Variants in PCDHA7 observed in about 807,000 individuals in gnomAD.
PCDHA7 encodes the protein protocadherin alpha 7, also known as protocadherin alpha-7.
PCDHA7 carries 37 observed loss-of-function variants against 57.2 expected under a neutral mutation model. The ratio of observed to expected loss-of-function variants is 0.65; its 90% confidence interval spans 0.50 to 0.85. The LOEUF (loss-of-function observed/expected upper bound fraction) is 0.85. PCDHA7 is among the 40% of genes least tolerant of loss of function. The pLI, the probability that PCDHA7 is intolerant of heterozygous loss-of-function variation, is 0.00. For synonymous variants in PCDHA7, 553 were observed against 558.8 expected, an observed-to-expected ratio of 0.99 and a Z score of 0.15; for missense variants, 1,188 against 1,241.8, an observed-to-expected ratio of 0.96 and a Z score of 0.65.
chr5:140,834,770 C>G lies in PCDHA7; in HGVS notation c.387C>G (p.Asn129Lys), dbSNP rs781912893. 4 of 1,613,922 alleles carry G rather than the reference C, an allele frequency of 2.5e-6. No homozygotes were observed. Among genetic ancestry groups the G allele is most frequent in the African/African-American group, 1.3e-5 (1 of 74,870 alleles). Residue 129 changes from asparagine (N) to lysine (K), a missense_variant, in exon 1 of 4, where the codon AAC (asparagine) becomes AAG (lysine). Transcript: ENST00000525929. ...TGGAGGTGAAGGACATTAACGACAACCCTCCGGTGTTCCCAGCGACACAAA... is the reference window on the plus strand; with the variant it reads ...TGGAGGTGAAGGACATTAACGACAAGCCTCCGGTGTTCCCAGCGACACAAA... ...VDVEVKDIND[N>K]PPVFPATQRN... is the part of the protein sequence containing the mutation.
intron 1 of PCDHA7, chr5:140,849,838 T>A: frequency 6.3e-7 from 1 of 1,598,422 alleles, no homozygotes; most frequent in Non-Finnish European, 8.6e-7. Flanking sequence ...GTGGCCGACG[T>A]GAACGACAAC....
intron 1 of PCDHA7, among the ~76,000 whole-genome samples, chr5:140,970,887 G>A (rs2096441583): frequency 6.6e-6 from 1 of 152,118 alleles, no homozygotes; most frequent in Non-Finnish European, 1.5e-5. Context: ...TTTTCTCATG[G>A]ACATTTCAGA....
chr5:140,842,480 T>C (rs1554139085), intron 1 of PCDHA7: 2 of 1,613,826 alleles, frequency 1.2e-6, no homozygotes, highest in Non-Finnish European at 1.7e-6. Flanking sequence ...GCAGGTGACC[T>C]GCTCCCTGAT....
chr5:140,877,135 G>C, intron 1 of PCDHA7: 1 of 1,613,790 alleles, frequency 6.2e-7, no homozygotes, highest in Non-Finnish European at 8.5e-7. Flanking sequence ...GCAGGTGTTC[G>C]TGCTGGACGA....
At chr5:140,873,957 A>C (rs993299790) in intron 1 of PCDHA7, among the ~76,000 whole-genome samples, 7 of 152,236 alleles carry the variant, frequency 4.6e-5, no homozygotes, top group Non-Finnish European at 7.3e-5. Flanking sequence ...CACTGAGCCC[A>C]GCCTATTTTT....
At chr5:140,858,251 C>A in intron 1 of PCDHA7, 1 of 1,596,688 alleles carries the variant, frequency 6.3e-7, no homozygotes, top group East Asian at 2.2e-5. Context: ...GCCGGTGAAG[C>A]CCACGCTGGT....
At chr5:140,919,393 T>C (rs2079115816) in intron 1 of PCDHA7, among the ~76,000 whole-genome samples, 1 of 152,222 alleles carries the variant, frequency 6.6e-6, no homozygotes, top group South Asian at 2.1e-4. Flanking sequence ...GGATGTTGTT[T>C]TCCTAAAAAC....
At chr5:140,875,094 T>C (rs1554167483) in intron 1 of PCDHA7, among the ~76,000 whole-genome samples, 1 of 152,258 alleles carries the variant, frequency 6.6e-6, no homozygotes. Flanking sequence ...AAATTGTTGA[T>C]GTTTTGTTAC....
At chr5:140,865,724 G>T (rs1334768794) in intron 1 of PCDHA7, 1 of 152,164 alleles carries the variant, frequency 6.6e-6, no homozygotes, top group African/African-American at 2.4e-5. Flanking sequence ...GAGAAGCTGA[G>T]ATGTGTATCT....
In PCDHA7 at chr5:140,836,467, A is replaced by C. The variant is rs1271601760; in HGVS notation, c.2084A>C (p.Asp695Ala). The change falls in exon 1 of 4, where the codon GAT becomes GCT. Residue 695 changes from aspartate to alanine, a missense_variant. By Grantham distance (126) the Asp-to-Ala change is moderately radical. Around this residue, in one of 3 missense-constraint regions of PCDHA7, gnomAD observed 892 missense variants for 788.5 expected, o/e 1.13. Coordinates refer to ENST00000525929, the MANE Select transcript of PCDHA7 (RefSeq NM_018910.3). The part of the protein sequence containing the change: ...GIAGPETELV[D>A]VNVYLIIAIC... ...GCAGGCCCAGAGACCGAGCTGGTGGATGTCAACGTGTACCTGATCATCGCC... is the reference window on the plus strand; with the variant it reads ...GCAGGCCCAGAGACCGAGCTGGTGGCTGTCAACGTGTACCTGATCATCGCC... 1 of 1,613,688 alleles carries C rather than the reference A, an allele frequency of 6.2e-7. No individual in the cohort carries two copies. Among genetic ancestry groups the C allele is most frequent in the Non-Finnish European group, 8.5e-7 (1 of 1,179,860 alleles).
Position 140,973,415 on chromosome 5 carries a change from A to C in PCDHA7, c.2356-5534A>C, listed in dbSNP as rs552618579. On this transcript the variant is annotated intron_variant, in intron 1 of 3. Coordinates refer to ENST00000525929, the MANE Select transcript of PCDHA7 (RefSeq NM_018910.3). ...AATCATATCTATGAGCTTCCACTCC[A>C]GTTTTTCATCCTCTGATGGTCACTT... Among the ~76,000 whole-genome samples the C allele has an allele frequency of 1.8e-3, 272 of 152,344 alleles. 1 individual carries two copies. Among genetic ancestry groups the C allele is most frequent in the Non-Finnish European group, 3.1e-3 (212 of 68,028 alleles).
At chr5:140,870,201 G>A in intron 1 of PCDHA7, 2 of 1,614,140 alleles carry the variant, frequency 1.2e-6, no homozygotes, top group Non-Finnish European at 8.5e-7. Context: ...AGCCCAGCAC[G>A]GTCATTGCCC....
intron 3 of PCDHA7, among the ~76,000 whole-genome samples, chr5:141,000,421 ATTTTTTT>A (rs34755515): frequency 5.7e-4 from 16 of 27,976 alleles, no homozygotes; most frequent in Non-Finnish European, 7.4e-4. Flanking sequence ...ATATATATAT[ATTTTTTT>A]TTTTTTTTTT....
intron 2 of PCDHA7, among the ~76,000 whole-genome samples, chr5:140,981,515 A>C (rs1554242933): frequency 1.3e-5 from 2 of 152,230 alleles, no homozygotes. Context: ...CAGAGGTTGC[A>C]GTGAGCTGAG....
chr5:140,905,396 C>T (rs913640299), intron 1 of PCDHA7, among the ~76,000 whole-genome samples: 1 of 152,080 alleles, frequency 6.6e-6, no homozygotes, highest in Non-Finnish European at 1.5e-5. Flanking sequence ...GGTCTGTGTG[C>T]CTATTTTTAT....
intron 1 of PCDHA7, among the ~76,000 whole-genome samples, chr5:140,900,589 C>T (rs782244593): frequency 1.5e-4 from 23 of 152,164 alleles, no homozygotes; most frequent in South Asian, 1.2e-3. Flanking sequence ...TTTCTTTACC[C>T]GTTCATCTGA....
chr5:140,841,292 A>C, intron 1 of PCDHA7: 1 of 1,561,784 alleles, frequency 6.4e-7, no homozygotes, highest in Non-Finnish European at 8.6e-7. Flanking sequence ...TATTAAGATA[A>C]TATTTTCTGA....
Position 140,842,675 on chromosome 5 carries a change from G to A in PCDHA7, c.2355+5937G>A. The A allele has an allele frequency of 1.3e-5, 20 of 1,595,468 alleles. 3 individuals are homozygous for A. The highest frequency in any genetic ancestry group is 3.5e-4 in the Middle Eastern group (2 of 5,774). ...GGAGGTGGCCGACGTGAACGACAAT[G>A]CTCCGGCGTTCGCGCAGCCCGAGTA... On this transcript the variant is annotated intron_variant, in intron 1 of 3. Transcript: ENST00000525929.
At chr5:140,867,473 G>A (rs2049977371) in intron 1 of PCDHA7, 1 of 151,968 alleles carries the variant, frequency 6.6e-6, no homozygotes, top group Non-Finnish European at 1.5e-5. Flanking sequence ...ACAACATTGG[G>A]AAAAGAGTAA....
Sources: allele counts gnomAD v4.1 joint callset (sites outside exome capture counted in the v4.1 genomes callset), GRCh38; gene constraint gnomAD v4.1.1; regional missense constraint gnomAD v4.1.1; transcripts MANE v1.5; gene names NCBI Gene and HGNC (gene_info 2026-07-23, HGNC 2026-07-21).